TMEM132C: variants seen among roughly 807,000 people sequenced by gnomAD.
TMEM132C encodes the protein transmembrane protein 132C.
Under a neutral mutation model 61.4 loss-of-function variants are expected in TMEM132C, and 29 were observed. The ratio of observed to expected loss-of-function variants is 0.47; its 90% CI spans 0.35 to 0.64. The LOEUF is 0.64. TMEM132C is among the 30% of genes least tolerant of loss of function. The pLI is 0.00. For missense variants in TMEM132C, 1,408 were observed against 1,476.9 expected, an observed-to-expected ratio of 0.95 and a Z score of 0.76; for synonymous variants, 656 against 633.1, an observed-to-expected ratio of 1.04 and a Z score of -0.54.
intron 1 of TMEM132C, among the ~76,000 whole-genome samples, chr12:128,331,227 A>T (rs910540005): frequency 1.3e-5 from 2 of 151,956 alleles, no homozygotes; most frequent in African/African-American, 4.8e-5. Flanking sequence ...ATGTGGTGCT[A>T]ATTTTTCCAG....
chr12:128,592,807 C>T (rs1475793565), intron 3 of TMEM132C, among the ~76,000 whole-genome samples: 1 of 152,196 alleles, frequency 6.6e-6, no homozygotes, highest in Non-Finnish European at 1.5e-5. Context: ...AGGGTCCTGG[C>T]CCTGTCATTG....
intron 2 of TMEM132C, among the ~76,000 whole-genome samples, chr12:128,521,749 A>G (rs2136128062): frequency 6.6e-6 from 1 of 152,292 alleles, no homozygotes; most frequent in South Asian, 2.1e-4. Flanking sequence ...GAAGTTACAA[A>G]TCATAGCTCA....
At chr12:128,625,068 C>T (rs902200445) in intron 4 of TMEM132C, among the ~76,000 whole-genome samples, 1 of 152,180 alleles carries the variant, frequency 6.6e-6, no homozygotes, top group Non-Finnish European at 1.5e-5. Context: ...TTGCAGCCAC[C>T]CTGCAGGGGT....
chr12:128,631,848 T>G (rs1954067285), intron 4 of TMEM132C, among the ~76,000 whole-genome samples: 1 of 151,886 alleles, frequency 6.6e-6, no homozygotes, highest in Non-Finnish European at 1.5e-5. Context: ...TTACCAAGAG[T>G]TCCAGCAAAA....
Position 128,706,340 on chromosome 12 carries a change from G to A in TMEM132C, c.*45G>A. ...CCTGCCCAGATGCCTTCCTTGTACT[G>A]GAAACTGGCCCAAGTGGGGCAGAAG... is the stretch of plus-strand genomic sequence containing the variant. On this transcript the variant is annotated 3_prime_UTR_variant, in exon 9 of 9. Transcript: ENST00000435159. 1 of 1,460,432 alleles carries A rather than the reference G, an allele frequency of 6.8e-7. No homozygotes were observed. Among genetic ancestry groups the A allele is most frequent in the South Asian group, 1.4e-5 (1 of 70,094 alleles). 90.5% of individuals were successfully genotyped at this position (1,460,432 alleles called of 1,614,324 possible).
At chr12:128,548,629 A>T (rs1320816672) in intron 3 of TMEM132C, among the ~76,000 whole-genome samples, 2 of 152,164 alleles carry the variant, frequency 1.3e-5, no homozygotes, top group African/African-American at 4.8e-5. Context: ...GGTTCTAGGC[A>T]CTAGGATGTG....
intron 2 of TMEM132C, among the ~76,000 whole-genome samples, chr12:128,423,562 C>T (rs76809699): frequency 0.051 from 7,837 of 152,224 alleles, 235 homozygotes; most frequent in African/African-American, 0.079. Context: ...TCTAGAATCT[C>T]ACTGTATGTC....
intron 3 of TMEM132C, among the ~76,000 whole-genome samples, chr12:128,578,666 C>T (rs949438450): frequency 6.6e-6 from 1 of 152,070 alleles, no homozygotes; most frequent in Non-Finnish European, 1.5e-5. Context: ...GGCATGATCT[C>T]GGCTCACTGC....
At chr12:128,645,953 C>T (rs1593132083) in intron 4 of TMEM132C, among the ~76,000 whole-genome samples, 1 of 151,514 alleles carries the variant, frequency 6.6e-6, no homozygotes, top group Admixed American at 6.6e-5. Context: ...AGTGTGTTTA[C>T]TGGAGTCCAT....
intron 3 of TMEM132C, among the ~76,000 whole-genome samples, chr12:128,548,418 A>G (rs963076122): frequency 6.6e-6 from 1 of 152,084 alleles, no homozygotes; most frequent in Admixed American, 6.5e-5. Flanking sequence ...ATTCCACCCT[A>G]TGTCTTGTAT....
chr12:128,614,395 G>C (rs1393896284), intron 3 of TMEM132C, among the ~76,000 whole-genome samples: 1 of 152,152 alleles, frequency 6.6e-6, no homozygotes, highest in Non-Finnish European at 1.5e-5. Flanking sequence ...AAAATAGGCA[G>C]CTGGCTGCAT....
intron 2 of TMEM132C, among the ~76,000 whole-genome samples, chr12:128,535,925 G>T (rs947697587): frequency 6.6e-6 from 1 of 151,928 alleles, no homozygotes; most frequent in Non-Finnish European, 1.5e-5. Flanking sequence ...AAATAGGAAC[G>T]CTTTTACACT....
At chr12:128,364,322 C>A (rs1873797438) in intron 1 of TMEM132C, among the ~76,000 whole-genome samples, 1 of 150,460 alleles carries the variant, frequency 6.6e-6, no homozygotes, top group African/African-American at 2.5e-5. Context: ...TCCTCCCCTC[C>A]CCGCCCCCGC....
chr12:128,466,487 G>T (rs755625282), intron 2 of TMEM132C, among the ~76,000 whole-genome samples: 8 of 152,138 alleles, frequency 5.3e-5, no homozygotes, highest in Non-Finnish European at 1.2e-4. Context: ...GAGCCCAATC[G>T]TTCCACCAGG....
chr12:128,469,626 T>TTC (rs1870865152), intron 2 of TMEM132C, among the ~76,000 whole-genome samples: 1 of 147,586 alleles, frequency 6.8e-6, no homozygotes, highest in African/African-American at 2.7e-5. Flanking sequence ...CTTGTATGCT[T>TTC]TGTGTGTGTG....
At chr12:128,353,978 A>G (rs1407413786) in intron 1 of TMEM132C, among the ~76,000 whole-genome samples, 3 of 152,188 alleles carry the variant, frequency 2.0e-5, no homozygotes, top group Non-Finnish European at 4.4e-5. Context: ...ACATCAGGTA[A>G]TTTAAAAGCT....
At chr12:128,275,310 C>A (rs774602249) in intron 1 of TMEM132C, among the ~76,000 whole-genome samples, 1 of 152,134 alleles carries the variant, frequency 6.6e-6, no homozygotes, top group African/African-American at 2.4e-5. Context: ...TGAGCTCTGC[C>A]TCCTGTAAGA....
chr12:128,621,617 G>A (rs1486638548), intron 4 of TMEM132C, among the ~76,000 whole-genome samples: 1 of 152,220 alleles, frequency 6.6e-6, no homozygotes, highest in African/African-American at 2.4e-5. Context: ...ATCAGTGTCT[G>A]TTGTTTCATC....
intron 2 of TMEM132C, among the ~76,000 whole-genome samples, chr12:128,440,868 G>A (rs1869759347): frequency 6.6e-6 from 1 of 152,108 alleles, no homozygotes; most frequent in South Asian, 2.1e-4. Context: ...GGCCAACATG[G>A]TGAAACCCCA....
Sources: allele counts gnomAD v4.1 joint callset (sites outside exome capture counted in the v4.1 genomes callset), GRCh38; gene constraint gnomAD v4.1.1; transcripts MANE v1.5; gene names NCBI Gene and HGNC (gene_info 2026-07-23, HGNC 2026-07-21).